MRPL30: variants seen among roughly 807,000 people sequenced by gnomAD.
MRPL30 encodes large ribosomal subunit protein uL30m.
A neutral mutation model predicts 17.2 loss-of-function variants in MRPL30; 10 were observed. That is an observed-to-expected ratio of 0.58 (90% confidence interval 0.36 to 0.99). The LOEUF is 0.99. Among genes scored for constraint, MRPL30 ranks in the 50% least tolerant of loss-of-function variants. The probability of loss-of-function intolerance (pLI) is 0.01; values close to 1 mark genes in which losing one functional copy is unlikely to be tolerated. For missense variants in MRPL30, 170 were observed against 189.8 expected, an observed-to-expected ratio of 0.90 and a Z score of 0.61; for synonymous variants, 61 against 62.1, an observed-to-expected ratio of 0.98 and a Z score of 0.08.
chr2:99,190,320 G>C (rs1253117394), intron 3 of MRPL30, among the ~76,000 whole-genome samples: 1 of 152,150 alleles, frequency 6.6e-6, no homozygotes, highest in Non-Finnish European at 1.5e-5. Context: ...AGCATTTTGG[G>C]AGGCTGAGGC....
chr2:99,190,751 G>A (rs899407543), intron 3 of MRPL30, among the ~76,000 whole-genome samples: 4 of 152,156 alleles, frequency 2.6e-5, no homozygotes, highest in Non-Finnish European at 4.4e-5. Context: ...ACTGGGGCCT[G>A]TAGGGGGCGA....
At chr2:99,183,164 C>T (rs2093928421) in intron 1 of MRPL30, among the ~76,000 whole-genome samples, 1 of 107,940 alleles carries the variant, frequency 9.3e-6, no homozygotes, top group Non-Finnish European at 2.4e-5. Flanking sequence ...AGTTCTAGAT[C>T]AAACAAGGGG....
intron 1 of MRPL30, among the ~76,000 whole-genome samples, chr2:99,183,636 CATAA>C (rs2093929491): frequency 6.6e-6 from 1 of 150,968 alleles, no homozygotes; most frequent in African/African-American, 2.4e-5. Context: ...TTAATTTTTT[CATAA>C]ATAAACTTTA....
rs376361827 is a variant in MRPL30 at position 99,186,196 on chromosome 2, C to T, written c.-8C>T. The T allele has an allele frequency of 1.2e-6, 2 of 1,613,786 alleles. No homozygotes were observed. The highest frequency in any genetic ancestry group is 2.7e-5 in the African/African-American group (2 of 74,916). ...CCACAGCCTCTAAAGAGAGCAATCACTACACTTATGGCTGGGATTTTGCGC... is the reference window on the plus strand; with the variant it reads ...CCACAGCCTCTAAAGAGAGCAATCATTACACTTATGGCTGGGATTTTGCGC... On this transcript the variant is annotated 5_prime_UTR_variant, in exon 2 of 6. Transcript: ENST00000338148.
chr2:99,186,223 T>C lies in MRPL30; in HGVS notation c.20T>C (p.Leu7Ser), dbSNP rs774091142. The C allele has an allele frequency of 6.2e-7, 1 of 1,614,170 alleles. No individual in the cohort carries two copies. Among genetic ancestry groups the C allele is most frequent in the Non-Finnish European group, 8.5e-7 (1 of 1,179,998 alleles). MAGILR[L>S]VVQWPPGRLQ... is the part of the protein sequence containing the mutation. Reference sequence around the variant, plus strand: ...ACACTTATGGCTGGGATTTTGCGCTTAGTAGTTCAATGGCCCCCAGGCAGA... The same window carrying C: ...ACACTTATGGCTGGGATTTTGCGCTCAGTAGTTCAATGGCCCCCAGGCAGA... Residue 7 changes from leucine to serine, a missense_variant, in exon 2 of 6, where the codon TTA (leucine) becomes TCA (serine). Transcript: ENST00000338148.
At chr2:99,190,674 G>T (rs1193432124) in intron 3 of MRPL30, among the ~76,000 whole-genome samples, 1 of 152,148 alleles carries the variant, frequency 6.6e-6, no homozygotes, top group Non-Finnish European at 1.5e-5. Context: ...TTTCTGGAAG[G>T]ATAGATACAA....
At position 99,198,327 on chromosome 2, in the gene MRPL30, A is replaced by G. The variant is rs2093958346; in HGVS notation, c.*2622A>G. On this transcript the variant is annotated 3_prime_UTR_variant, in exon 6 of 6. Transcript: ENST00000338148. ...TGGCCAGGTGCTCATTGTAGCTTTG[A>G]CAGGGAAGGGATCTGCTCCCAAGCA... is the stretch of plus-strand genomic sequence containing the variant. 6.6e-6 allele frequency among the ~76,000 whole-genome samples: 1 copy of G among 152,172 alleles called. No individual in the cohort carries two copies. The highest frequency in any genetic ancestry group is 2.4e-5 in the African/African-American group (1 of 41,432).
rs998767959 is a variant in MRPL30, at chr2:99,186,107, C to T, written c.-27-70C>T. On this transcript the variant is annotated intron_variant, in intron 1 of 5. Transcript: ENST00000338148. ...TAATTTGCTGCTTAGTTTTTTAATACTAGAGAAGGGGAAACCTGTTCATTT... is the reference window on the plus strand; with the variant it reads ...TAATTTGCTGCTTAGTTTTTTAATATTAGAGAAGGGGAAACCTGTTCATTT... 10 of 1,031,670 alleles carry T rather than the reference C, an allele frequency of 9.7e-6. No individual in the cohort carries two copies. In the South Asian group the frequency reaches 1.3e-4, roughly 13 times the overall value. 63.9% of individuals were successfully genotyped at this position (1,031,670 alleles called of 1,614,324 possible).
At position 99,195,379 on chromosome 2, in the gene MRPL30, A is replaced by T. The variant is rs528010015; in HGVS notation, c.353+190A>T. On this transcript the variant is annotated intron_variant, in intron 5 of 5. Coordinates refer to ENST00000338148, the MANE Select transcript of MRPL30 (RefSeq NM_145212.4). ...CATAGTGACGTTTCAATATATATAA[A>T]GTATAGTGATCCGATCAGGGTAATT... 6.3e-4 allele frequency: 471 copies of T among 743,760 alleles called. 2 individuals carry two copies. The highest frequency in any genetic ancestry group is 1.5e-3 in the South Asian group (75 of 50,576). 46.1% of individuals were successfully genotyped at this position (743,760 alleles called of 1,614,324 possible).
intron 3 of MRPL30, 139 bp from the exon 4 acceptor site, chr2:99,194,612 G>A: frequency 2.8e-6 from 2 of 718,174 alleles, no homozygotes; most frequent in Non-Finnish European, 2.3e-6. Flanking sequence ...TGTTCAATCT[G>A]AGGTTGAGGA....
At chr2:99,190,269 A>G (rs2093942540) in intron 3 of MRPL30, among the ~76,000 whole-genome samples, 1 of 152,252 alleles carries the variant, frequency 6.6e-6, no homozygotes, top group Non-Finnish European at 1.5e-5. Context: ...TTCTTTTATC[A>G]GAAATCTCAT....
In MRPL30 at chr2:99,194,969, G is replaced by T. The variant is rs780774484; in HGVS notation, c.279+72G>T. On this transcript the variant is annotated intron_variant, in intron 4 of 5. Transcript: ENST00000338148. Reference sequence around the variant, plus strand: ...AATTTTATACTTTTAAAACTTTGCGGTATACATTTATTATTTATTTTGTAT... The same window carrying T: ...AATTTTATACTTTTAAAACTTTGCGTTATACATTTATTATTTATTTTGTAT... 4 of 1,398,150 alleles carry T rather than the reference G, an allele frequency of 2.9e-6. No individual in the cohort carries two copies. In the South Asian group the frequency reaches 5.9e-5, roughly 21 times the overall value. 86.6% of individuals were successfully genotyped at this position (1,398,150 alleles called of 1,614,324 possible).
intron 1 of MRPL30, among the ~76,000 whole-genome samples, chr2:99,182,222 G>T (rs1396139695): frequency 2.0e-5 from 3 of 152,202 alleles, no homozygotes; most frequent in Non-Finnish European, 2.9e-5. Flanking sequence ...GGGTCCAGGA[G>T]TTACGTGCCT....
chr2:99,183,047 T>C (rs2093928186), intron 1 of MRPL30, among the ~76,000 whole-genome samples: 1 of 152,020 alleles, frequency 6.6e-6, no homozygotes, highest in Non-Finnish European at 1.5e-5. Flanking sequence ...ATTGAAAAGG[T>C]GAGATTTGAC....
intron 3 of MRPL30, among the ~76,000 whole-genome samples, chr2:99,191,896 A>G (rs1266643860): frequency 6.6e-6 from 1 of 152,036 alleles, no homozygotes; most frequent in Non-Finnish European, 1.5e-5. Context: ...TGCCTTTCCA[A>G]AATATTTTGT....
rs997010738 is a variant in MRPL30 at position 99,197,543 on chromosome 2, T to C, written c.*1838T>C. On this transcript the variant is annotated 3_prime_UTR_variant, in exon 6 of 6. Coordinates refer to ENST00000338148, the MANE Select transcript of MRPL30 (RefSeq NM_145212.4). The stretch of plus-strand genomic sequence containing the variant: ...CTCCGTCTAGTTGGAGAGAAACCTG[T>C]GTGCCACAACATACAGTGTCCTTGC... 13 of 152,322 alleles carry C rather than the reference T, an allele frequency of 8.5e-5. No homozygotes were observed. Among genetic ancestry groups the C allele is most frequent in the African/African-American group, 2.9e-4 (12 of 41,580 alleles). The allele number at this position is 152,322 out of a possible 1,614,324, so 9.4% of individuals were successfully genotyped here.
In MRPL30 at chr2:99,188,222, C is replaced by T. The variant is rs893248922; in HGVS notation, c.97C>T (p.Arg33Cys). The part of the protein sequence containing the change: ...VESLICTDWI[R>C]HKFTRSRIPE... ...GTCTCTTATTTGTACAGATTGGATT[C>T]GTCACAAATTCACCAGATCAAGAAT... The change falls in exon 3 of 6, where the codon CGT (arginine) becomes TGT (cysteine). Residue 33 changes from arginine (R) to cysteine (C), a missense_variant. By Grantham distance (180) the Arg-to-Cys change is radical. Transcript: ENST00000338148. 1.7e-5 allele frequency: 27 copies of T among 1,608,016 alleles called. No homozygotes were observed. The highest frequency in any genetic ancestry group is 1.9e-5 in the Non-Finnish European group (22 of 1,177,914).
At chr2:99,194,961 A>G in intron 4 of MRPL30, 64 bp downstream of exon 4, 1 of 1,425,290 alleles carries the variant, frequency 7.0e-7, no homozygotes, top group African/African-American at 1.5e-5. Flanking sequence ...TACTTTTAAA[A>G]CTTTGCGGTA....
rs954765854 is a variant in MRPL30 at position 99,195,925 on chromosome 2, A to C, written c.*220A>C. On this transcript the variant is annotated 3_prime_UTR_variant, in exon 6 of 6. Coordinates refer to ENST00000338148, the MANE Select transcript of MRPL30 (RefSeq NM_145212.4). ...GGAGAAACCCCCATCTCTACTGAAA[A>C]TACAGAATTAGCCAGGCATGGTGGC... 9.5e-5 allele frequency: 41 copies of C among 430,424 alleles called. No individual in the cohort carries two copies. Among genetic ancestry groups the C allele is most frequent in the African/African-American group, 8.2e-4 (39 of 47,452 alleles). The allele number at this position is 430,424 out of a possible 1,614,324, so 26.7% of individuals were successfully genotyped here.
Sources: gnomAD v4.1 joint callset for allele counts (sites outside exome capture counted in the v4.1 genomes callset) on GRCh38, gnomAD v4.1.1 for gene constraint, MANE v1.5 for transcripts, NCBI Gene and HGNC (gene_info 2026-07-23, HGNC 2026-07-21) for gene names.